Variants in FSTL4 observed in about 807,000 individuals in gnomAD.
The protein encoded by FSTL4 is follistatin like 4.
Under a neutral mutation model 78.2 loss-of-function variants are expected in FSTL4, and 28 were observed. The ratio of observed to expected loss-of-function variants is 0.36; its 90% confidence interval spans 0.27 to 0.49. The LOEUF is 0.49. Among genes scored for constraint, FSTL4 ranks in the 20% least tolerant of loss-of-function variants. The pLI, the probability that FSTL4 is intolerant of heterozygous loss-of-function variation, is 0.98. For missense variants in FSTL4, 922 were observed against 1,084.9 expected, an observed-to-expected ratio of 0.85 and a Z score of 2.11; for synonymous variants, 422 against 440.5, an observed-to-expected ratio of 0.96 and a Z score of 0.53.
At chr5:133,669,500 G>T in the FSTL4 span, among the ~76,000 whole-genome samples, 6 of 152,204 alleles carry the variant, frequency 3.9e-5, no homozygotes, top group Non-Finnish European at 7.4e-5. Context: ...GAGGTGTCTT[G>T]CCAGGTTCCG....
chr5:133,641,055 T>C, the FSTL4 span, among the ~76,000 whole-genome samples: 3 of 152,162 alleles, frequency 2.0e-5, no homozygotes, highest in Admixed American at 2.0e-4. Context: ...GGGGCACAAT[T>C]CCCATAGACT....
the FSTL4 span, among the ~76,000 whole-genome samples, chr5:133,752,410 A>G: frequency 2.0e-5 from 3 of 151,986 alleles, no homozygotes; most frequent in Non-Finnish European, 4.4e-5. Flanking sequence ...TAAGGTCAGG[A>G]GTTTGAGACC....
At chr5:133,254,065 T>G (rs1055385202) in intron 6 of FSTL4, among the ~76,000 whole-genome samples, 2 of 152,250 alleles carry the variant, frequency 1.3e-5, no homozygotes, top group Non-Finnish European at 2.9e-5. Flanking sequence ...TGAAAGAGAC[T>G]GTCCTGGTGA....
intron 6 of FSTL4, among the ~76,000 whole-genome samples, chr5:133,295,252 G>A (rs1012329987): frequency 3.3e-5 from 5 of 152,078 alleles, no homozygotes; most frequent in Admixed American, 2.0e-4. Context: ...CATCTCTGTC[G>A]GTTCACACTC....
the FSTL4 span, among the ~76,000 whole-genome samples, chr5:133,719,106 T>C: frequency 5.7e-4 from 87 of 152,352 alleles, no homozygotes; most frequent in Admixed American, 1.6e-3. Flanking sequence ...ATATCTCTTA[T>C]GCTTTGGCTA....
chr5:133,381,406 C>T (rs778530320), intron 4 of FSTL4, among the ~76,000 whole-genome samples: 12 of 152,164 alleles, frequency 7.9e-5, no homozygotes, highest in Non-Finnish European at 1.5e-4. Flanking sequence ...AAAGAACACC[C>T]GCAGCATGGT....
chr5:133,739,591 C>T, the FSTL4 span, among the ~76,000 whole-genome samples: 10 of 152,164 alleles, frequency 6.6e-5, no homozygotes, highest in Non-Finnish European at 1.5e-4. Flanking sequence ...CATCCCACAG[C>T]GTAACCTAGG....
chr5:133,383,684 C>T (rs538036370), intron 4 of FSTL4, among the ~76,000 whole-genome samples: 5 of 152,306 alleles, frequency 3.3e-5, no homozygotes, highest in Admixed American at 6.5e-5. Flanking sequence ...GGTCTCCTGC[C>T]GCAGCCTTCA....
chr5:133,395,154 C>T (rs986446560), intron 4 of FSTL4, among the ~76,000 whole-genome samples: 3 of 152,258 alleles, frequency 2.0e-5, no homozygotes, highest in Middle Eastern at 3.4e-3. Flanking sequence ...AGCAGGCTGC[C>T]CCAGCCAGCA....
chr5:133,430,495 C>T (rs187691027), intron 3 of FSTL4, among the ~76,000 whole-genome samples: 3 of 152,254 alleles, frequency 2.0e-5, no homozygotes, highest in Admixed American at 1.3e-4. Context: ...GAGGAATAGC[C>T]AAGCCAGAGA....
chr5:133,766,356 C>T, the FSTL4 span, among the ~76,000 whole-genome samples: 2 of 152,132 alleles, frequency 1.3e-5, no homozygotes, highest in Admixed American at 6.5e-5. Flanking sequence ...ATGTGTCCCA[C>T]GAAGTCCAAG....
At chr5:133,278,126 C>CATGGCCTG (rs1165466571) in intron 6 of FSTL4, among the ~76,000 whole-genome samples, 1 of 152,180 alleles carries the variant, frequency 6.6e-6, no homozygotes, top group East Asian at 1.9e-4. Context: ...TGACTGGTCT[C>CATGGCCTG]ATGGCCTGTA....
At chr5:133,358,897 C>T (rs558502072) in intron 4 of FSTL4, among the ~76,000 whole-genome samples, 14 of 152,146 alleles carry the variant, frequency 9.2e-5, no homozygotes, top group Non-Finnish European at 2.1e-4. Context: ...ACAGCACATA[C>T]TCCCTGAAGA....
intron 4 of FSTL4, among the ~76,000 whole-genome samples, chr5:133,396,367 A>G (rs1756046809): frequency 6.6e-6 from 1 of 152,232 alleles, no homozygotes; most frequent in African/African-American, 2.4e-5. Context: ...CAGAAAGCTC[A>G]CGTGCCAAAG....
At chr5:133,311,099 G>A (rs1013151414) in intron 6 of FSTL4, among the ~76,000 whole-genome samples, 9 of 152,142 alleles carry the variant, frequency 5.9e-5, no homozygotes, top group Admixed American at 2.0e-4. Context: ...TATTCTCAAC[G>A]TGGCCAATTT....
At chr5:133,672,755 C>T in the FSTL4 span, among the ~76,000 whole-genome samples, 1 of 152,192 alleles carries the variant, frequency 6.6e-6, no homozygotes, top group East Asian at 1.9e-4. Context: ...AGAGAGCTGG[C>T]TTCTGCTTCT....
chr5:133,810,405 C>G, the FSTL4 span, among the ~76,000 whole-genome samples: 2 of 152,216 alleles, frequency 1.3e-5, no homozygotes, highest in Non-Finnish European at 2.9e-5. Flanking sequence ...TAATCAGCCT[C>G]AAACACCACC....
At chr5:133,567,998 A>C (rs1760065419) in intron 2 of FSTL4, among the ~76,000 whole-genome samples, 2 of 152,230 alleles carry the variant, frequency 1.3e-5, no homozygotes, top group Admixed American at 6.5e-5. Context: ...AAACATAAGG[A>C]AAAGTGTTTT....
the FSTL4 span, among the ~76,000 whole-genome samples, chr5:133,819,187 C>A: frequency 1.3e-5 from 2 of 151,688 alleles, no homozygotes; most frequent in East Asian, 3.9e-4. Flanking sequence ...AAAATAAGAA[C>A]CACCTAGAAC....
Sources: gnomAD v4.1 joint callset for allele counts (sites outside exome capture counted in the v4.1 genomes callset) on GRCh38, gnomAD v4.1.1 for gene constraint, MANE v1.5 for transcripts, NCBI Gene and HGNC (gene_info 2026-07-23, HGNC 2026-07-21) for gene names.